The following HNF1B variants were observed in gnomAD, a reference collection of about 807,000 sequenced individuals.
The protein encoded by HNF1B is HNF1 homeobox B.
Under a neutral mutation model 61.7 loss-of-function variants are expected in HNF1B, and 8 were observed. The ratio of observed to expected loss-of-function variants is 0.13; its 90% CI spans 0.08 to 0.23. HNF1B has a LOEUF of 0.23. HNF1B is among the 10% of genes least tolerant of loss of function. The probability of loss-of-function intolerance (pLI) is 1.00; values close to 1 mark genes in which losing one functional copy is unlikely to be tolerated. For missense variants in HNF1B, 562 were observed against 714.5 expected (o/e 0.79, Z 2.43); for synonymous variants, 314 against 287.7 (o/e 1.09, Z -0.93).
chr17:37,718,810 T>C (rs1365432330), intron 4 of HNF1B, among the ~76,000 whole-genome samples: 1 of 152,214 alleles, frequency 6.6e-6, no homozygotes, highest in Non-Finnish European at 1.5e-5. Flanking sequence ...ATTGAAGGAG[T>C]AAATGATGAA....
chr17:37,744,450 T>G, intron 1 of HNF1B, 91 bp downstream of exon 1: 1 of 1,334,914 alleles, frequency 7.5e-7, no homozygotes, highest in African/African-American at 1.4e-5. Flanking sequence ...GAAACGGGCT[T>G]GGCGAGTGTG....
At chr17:37,731,440 T>G (rs1423203827) in intron 4 of HNF1B, 155 bp downstream of exon 4, 1 of 734,780 alleles carries the variant, frequency 1.4e-6, no homozygotes, top group African/African-American at 1.7e-5. Context: ...GAGCCACACA[T>G]TATTTCCAGG....
At chr17:37,690,799 G>C (rs1305396436) in intron 8 of HNF1B, among the ~76,000 whole-genome samples, 2 of 152,212 alleles carry the variant, frequency 1.3e-5, no homozygotes, top group African/African-American at 4.8e-5. Flanking sequence ...AGGCTTATTA[G>C]ATATTTTAGA....
At chr17:37,734,492 C>T (rs1461775631) in intron 2 of HNF1B, among the ~76,000 whole-genome samples, 2 of 152,286 alleles carry the variant, frequency 1.3e-5, no homozygotes, top group East Asian at 3.9e-4. Flanking sequence ...CTGTCCAATT[C>T]CTTGAGTCCA....
intron 8 of HNF1B, among the ~76,000 whole-genome samples, chr17:37,694,341 G>A (rs1319448547): frequency 2.0e-5 from 3 of 146,478 alleles, no homozygotes; most frequent in Admixed American, 1.4e-4. Context: ...AGGCAGAATC[G>A]CTTGAACCTG....
At chr17:37,724,381 C>T (rs1598832112) in intron 4 of HNF1B, among the ~76,000 whole-genome samples, 1 of 152,148 alleles carries the variant, frequency 6.6e-6, no homozygotes, top group East Asian at 1.9e-4. Context: ...GCTGTTCTGA[C>T]AGGTCCAGGG....
intron 2 of HNF1B, among the ~76,000 whole-genome samples, chr17:37,738,652 T>C (rs906221155): frequency 6.6e-6 from 1 of 152,246 alleles, no homozygotes; most frequent in Non-Finnish European, 1.5e-5. Flanking sequence ...TTGTTATTCA[T>C]AGGCAGTTCA....
intron 4 of HNF1B, among the ~76,000 whole-genome samples, chr17:37,717,302 CGTAA>C (rs2033156500): frequency 6.6e-6 from 1 of 152,148 alleles, no homozygotes; most frequent in Non-Finnish European, 1.5e-5. Flanking sequence ...CCTCTGCCAG[CGTAA>C]GTGAGCGTCC....
At chr17:37,731,519 C>T (rs745612846) in intron 4 of HNF1B, 76 bp downstream of exon 4, 1 of 1,282,362 alleles carries the variant, frequency 7.8e-7, no homozygotes, top group East Asian at 2.5e-5. Flanking sequence ...TCTGAAAACC[C>T]TTAAACCAGA....
intron 1 of HNF1B, among the ~76,000 whole-genome samples, chr17:37,742,082 T>C (rs898571643): frequency 2.6e-5 from 4 of 151,956 alleles, no homozygotes; most frequent in African/African-American, 7.2e-5. Flanking sequence ...CTGCGGCCAT[T>C]GTGTCCCAAG....
intron 8 of HNF1B, among the ~76,000 whole-genome samples, chr17:37,698,361 G>A (rs867635679): frequency 7.2e-5 from 11 of 152,154 alleles, no homozygotes; most frequent in African/African-American, 2.2e-4. Flanking sequence ...TGTCCAAGCT[G>A]CAGCAATGAG....
At chr17:37,709,152 G>A (rs1439389026) in intron 5 of HNF1B, among the ~76,000 whole-genome samples, 2 of 152,188 alleles carry the variant, frequency 1.3e-5, no homozygotes, top group African/African-American at 4.8e-5. Context: ...GTGTCGTAAT[G>A]CTCCTGTTCT....
At chr17:37,719,307 A>T (rs1340082770) in intron 4 of HNF1B, among the ~76,000 whole-genome samples, 1 of 152,068 alleles carries the variant, frequency 6.6e-6, no homozygotes, top group Admixed American at 6.6e-5. Flanking sequence ...GGAGAGAGAG[A>T]TTAAAATACA....
rs564779549 is a variant in HNF1B, at chr17:37,744,723, G to T, written c.162C>A (p.Ala54=). 2.5e-6 allele frequency: 4 copies of T among 1,613,274 alleles called. No individual in the cohort carries two copies. The highest frequency in any genetic ancestry group is 2.2e-5 in the East Asian group (1 of 44,900). The change falls in exon 1 of 9, where the codon GCC becomes GCA. Residue 54 remains alanine (A), a synonymous_variant. Transcript: ENST00000617811. ...ETLPLSPGSG[A]EPDTKPVFHT... Reference sequence around the variant, plus strand: ...GGAAGACCGGCTTGGTGTCGGGCTCGGCCCCGCTGCCAGGGGACAGGGGCA... The same window carrying T: ...GGAAGACCGGCTTGGTGTCGGGCTCTGCCCCGCTGCCAGGGGACAGGGGCA...
intron 6 of HNF1B, among the ~76,000 whole-genome samples, chr17:37,701,953 T>A (rs956530931): frequency 1.3e-5 from 2 of 152,186 alleles, no homozygotes; most frequent in African/African-American, 2.4e-5. Context: ...GAACTGTGTA[T>A]CCTGAGGCCT....
intron 4 of HNF1B, among the ~76,000 whole-genome samples, chr17:37,712,115 C>T (rs1389339292): frequency 6.6e-6 from 1 of 152,200 alleles, no homozygotes; most frequent in Non-Finnish European, 1.5e-5. Flanking sequence ...AATGCTAAAG[C>T]TGGGTTCTAA....
chr17:37,718,224 A>C (rs1440388285), intron 4 of HNF1B, among the ~76,000 whole-genome samples: 2 of 152,204 alleles, frequency 1.3e-5, no homozygotes, highest in African/African-American at 2.4e-5. Context: ...TGCACTTGAA[A>C]AAATTGCACA....
chr17:37,724,924 GTGTGTGTGTGTGTA>G lies in HNF1B; in HGVS notation c.1045+6657_1045+6670del, dbSNP rs1187245108. Among the ~76,000 whole-genome samples the G allele has an allele frequency of 1.1e-4, 15 of 137,766 alleles. No homozygotes were observed. The East Asian group carries it at 2.7e-3, about 24-fold the overall frequency. 90.4% of individuals were successfully genotyped at this position (137,766 alleles called of 152,430 possible). The stretch of plus-strand genomic sequence containing the variant: ...TATGCGTGTGTGTGTGTGTGTGTGT[GTGTGTGTGTGTGTA>G]TATATATATAATACATATATATGTA... On this transcript the variant is annotated intron_variant, in intron 4 of 8. Coordinates refer to ENST00000617811, the MANE Select transcript of HNF1B (RefSeq NM_000458.4).
In HNF1B at chr17:37,731,682, A is replaced by T. The variant is rs1247047850; in HGVS notation, c.958T>A (p.Ser320Thr). ...GGGTTCAGGCTGTGAGTCTGGTTGG[A>T]GCTATAGGCGTCCATGGCCAGCTTT... is the stretch of plus-strand genomic sequence containing the variant. ...RQKLAMDAYS[S>T]NQTHSLNPLL... Residue 320 changes from serine to threonine, a missense_variant, in exon 4 of 9, where the codon TCC becomes ACC. Coordinates refer to ENST00000617811, the MANE Select transcript of HNF1B (RefSeq NM_000458.4). The T allele has an allele frequency of 6.2e-7, 1 of 1,613,976 alleles. No homozygotes were observed. Among genetic ancestry groups the T allele is most frequent in the Admixed American group, 1.7e-5 (1 of 60,016 alleles).
Sources: allele counts gnomAD v4.1 joint callset (sites outside exome capture counted in the v4.1 genomes callset), GRCh38; gene constraint gnomAD v4.1.1; transcripts MANE v1.5; gene names NCBI Gene and HGNC (gene_info 2026-07-23, HGNC 2026-07-21).